CD226: variants seen among roughly 807,000 people sequenced by gnomAD.
CD226 encodes the protein CD226 antigen.
A neutral mutation model predicts 34.9 loss-of-function variants in CD226; 24 were observed. The ratio of observed to expected loss-of-function variants is 0.69; its 90% CI spans 0.50 to 0.97. CD226 has a LOEUF of 0.97. Among genes scored for constraint, CD226 ranks in the 50% least tolerant of loss-of-function variants. The pLI is 0.00. For missense variants in CD226, 397 were observed against 412.7 expected (o/e 0.96, Z 0.33); for synonymous variants, 148 against 147.4 (o/e 1.00, Z -0.03).
intron 4 of CD226, 44 bp downstream of exon 4, chr18:69,873,100 C>A: frequency 9.4e-7 from 1 of 1,064,414 alleles, no homozygotes; most frequent in Admixed American, 1.7e-5. Flanking sequence ...AATAGAGAAC[C>A]TCTAACATGG....
Position 69,895,326 on chromosome 18 carries a change from T to A in CD226, c.727+375A>T, listed in dbSNP as rs1023185888. On this transcript the variant is annotated intron_variant, in intron 3 of 5. Transcript: ENST00000582621. ...CACTGTCTTGTATTGCTGGGGTATG[T>A]GGGGATTCTAACACCTTATCACCAC... 5.3e-5 allele frequency among the ~76,000 whole-genome samples: 8 copies of A among 152,114 alleles called. 1 individual carries two copies. Among genetic ancestry groups the A allele is most frequent in the African/African-American group, 1.9e-4 (8 of 41,424 alleles).
chr18:69,911,398 C>G (rs532061395), intron 2 of CD226, among the ~76,000 whole-genome samples: 132 of 152,316 alleles, frequency 8.7e-4, no homozygotes, highest in Middle Eastern at 6.8e-3. Context: ...ATTAGCCTAG[C>G]AAGCCCTGGG....
At chr18:69,866,164 C>T (rs1790932) in intron 5 of CD226, among the ~76,000 whole-genome samples, 71,962 of 152,062 alleles carry the variant, frequency 0.47, 18,082 homozygotes, top group East Asian at 0.73. Flanking sequence ...TTCACGAAGA[C>T]GCCACCCTCA....
chr18:69,878,885 G>A (rs558050442), intron 3 of CD226, among the ~76,000 whole-genome samples: 6 of 152,096 alleles, frequency 3.9e-5, no homozygotes, highest in African/African-American at 1.4e-4. Flanking sequence ...TTCAATGTAG[G>A]TTCTTTTCTA....
rs1982603672 is a variant in CD226, at chr18:69,856,144, A to C, written c.*8170T>G. ...GATGCTAATGTTAATTTTTTAAAAA[A>C]CTGAAAGTTATGTTAATATCAGAAA... On this transcript the variant is annotated 3_prime_UTR_variant, in exon 6 of 6. Transcript: ENST00000582621. 6.6e-6 allele frequency: 1 copy of C among 152,152 alleles called. No homozygotes were observed. Among genetic ancestry groups the C allele is most frequent in the Admixed American group, 6.5e-5 (1 of 15,280 alleles). 9.4% of individuals were successfully genotyped at this position (152,152 alleles called of 1,614,324 possible). A position where few individuals can be genotyped will look rare whatever the true frequency, so the allele number is the denominator to read the frequency against.
chr18:69,930,097 C>T (rs10163940), intron 2 of CD226, among the ~76,000 whole-genome samples: 137,032 of 152,200 alleles, frequency 0.9, 63,063 homozygotes, highest in East Asian at 1. Flanking sequence ...ATACATCATT[C>T]CTGGGAAGAT....
upstream of CD226, among the ~76,000 whole-genome samples, chr18:69,958,861 T>C (rs1376072428): frequency 6.6e-6 from 1 of 151,174 alleles, no homozygotes; most frequent in Non-Finnish European, 1.5e-5. Context: ...ATAAAGCTAT[T>C]GCTATTTTGT....
intron 2 of CD226, among the ~76,000 whole-genome samples, chr18:69,943,623 CT>C (rs2055752887): frequency 1.3e-5 from 2 of 152,198 alleles, no homozygotes; most frequent in Admixed American, 6.5e-5. Context: ...CCAAGGTCTC[CT>C]TCTTCAAGGG....
upstream of CD226, chr18:69,961,602 C>G (rs192126631): frequency 1.7e-4 from 26 of 152,312 alleles, 1 homozygote; most frequent in Admixed American, 1.6e-3. Context: ...CTGGTTTTAG[C>G]ATTGCCAAGG....
In CD226 at chr18:69,859,100, G is replaced by A. The variant is rs191370601; in HGVS notation, c.*5214C>T. ...GCACTCGTTAAACATTTACAACACG[G>A]AAACACATGTCCTTTTGTTCTGGAA... On this transcript the variant is annotated 3_prime_UTR_variant, in exon 6 of 6. Coordinates refer to ENST00000582621, the MANE Select transcript of CD226 (RefSeq NM_001303618.2). 77 of 152,154 alleles carry A rather than the reference G, an allele frequency of 5.1e-4. 1 individual carries two copies. The highest frequency in any genetic ancestry group is 1.6e-3 in the African/African-American group (65 of 41,510). 9.4% of individuals were successfully genotyped at this position (152,154 alleles called of 1,614,324 possible). A position where few individuals can be genotyped will look rare whatever the true frequency, so the allele number is the denominator to read the frequency against.
chr18:69,954,119 C>G (rs1014992883), intron 1 of CD226, among the ~76,000 whole-genome samples: 4 of 152,064 alleles, frequency 2.6e-5, no homozygotes, highest in Middle Eastern at 3.4e-3. Flanking sequence ...CCACATTCAC[C>G]CCAGGTCTTA....
chr18:69,922,584 TATA>T (rs1403105257), intron 2 of CD226, among the ~76,000 whole-genome samples: 3 of 152,212 alleles, frequency 2.0e-5, no homozygotes, highest in Non-Finnish European at 2.9e-5. Context: ...CCCGGCTTTG[TATA>T]ATGTTTTACA....
chr18:69,879,054 G>A (rs1984052736), intron 3 of CD226, among the ~76,000 whole-genome samples: 2 of 152,236 alleles, frequency 1.3e-5, no homozygotes, highest in African/African-American at 4.8e-5. Flanking sequence ...ATTTTCAAAG[G>A]GGAGGGAGTG....
At chr18:69,889,877 A>G (rs2145227514) in intron 3 of CD226, among the ~76,000 whole-genome samples, 1 of 152,330 alleles carries the variant, frequency 6.6e-6, no homozygotes, top group African/African-American at 2.4e-5. Flanking sequence ...TGTAATCTTA[A>G]TTTACTAATC....
chr18:69,919,171 T>C (rs1251776062), intron 2 of CD226, among the ~76,000 whole-genome samples: 1 of 152,230 alleles, frequency 6.6e-6, no homozygotes, highest in Non-Finnish European at 1.5e-5. Context: ...AAGCACTGCG[T>C]CCAATGAGTA....
intron 2 of CD226, among the ~76,000 whole-genome samples, chr18:69,931,025 C>T (rs997133803): frequency 6.6e-6 from 1 of 152,148 alleles, no homozygotes; most frequent in Non-Finnish European, 1.5e-5. Flanking sequence ...AAATGTGGCA[C>T]ATATACACCA....
intron 3 of CD226, among the ~76,000 whole-genome samples, chr18:69,881,578 C>T (rs1161773703): frequency 6.6e-6 from 1 of 152,172 alleles, no homozygotes; most frequent in Non-Finnish European, 1.5e-5. Context: ...AAGCGCCAAA[C>T]GATTTAGGTT....
chr18:69,916,041 T>C (rs1446605469), intron 2 of CD226, among the ~76,000 whole-genome samples: 2 of 152,104 alleles, frequency 1.3e-5, no homozygotes, highest in Admixed American at 1.3e-4. Context: ...GAACAAAGCA[T>C]ATTTTTTGCC....
intron 4 of CD226, among the ~76,000 whole-genome samples, chr18:69,871,555 C>A (rs908302972): frequency 4.6e-5 from 7 of 152,128 alleles, no homozygotes; most frequent in Non-Finnish European, 7.4e-5. Flanking sequence ...CACAATGATT[C>A]CAGATGGTGA....
Sources: gnomAD v4.1 joint callset for allele counts (sites outside exome capture counted in the v4.1 genomes callset) on GRCh38, gnomAD v4.1.1 for gene constraint, MANE v1.5 for transcripts, NCBI Gene and HGNC (gene_info 2026-07-23, HGNC 2026-07-21) for gene names.